CNTFR: variants seen among roughly 807,000 people sequenced by gnomAD.
CNTFR encodes the protein ciliary neurotrophic factor receptor subunit alpha.
A neutral mutation model predicts 40.4 loss-of-function variants in CNTFR; 12 were observed. The ratio of observed to expected loss-of-function variants is 0.30; its 90% CI spans 0.19 to 0.48. CNTFR has a LOEUF of 0.48. Ranked by LOEUF, CNTFR falls within the 20% of genes least tolerant of loss-of-function variation. The pLI, the probability that CNTFR is intolerant of heterozygous loss-of-function variation, is 0.99. For missense variants in CNTFR, 414 were observed against 506.8 expected, an observed-to-expected ratio of 0.82 and a Z score of 1.76; for synonymous variants, 202 against 209.6, an observed-to-expected ratio of 0.96 and a Z score of 0.31.
intron 1 of CNTFR, chr9:34,582,715 A>G (rs1587175500): frequency 6.6e-6 from 1 of 152,430 alleles, no homozygotes; most frequent in Middle Eastern, 3.4e-3. Flanking sequence ...AGCCACACCA[A>G]GACAGGCTCA....
intron 3 of CNTFR, among the ~76,000 whole-genome samples, 191 bp downstream of exon 3, chr9:34,568,706 A>T (rs775957014): frequency 3.9e-5 from 6 of 152,106 alleles, no homozygotes; most frequent in Non-Finnish European, 7.4e-5. Context: ...CACCGTCAGC[A>T]TTCGACCACC....
chr9:34,566,504 G>T (rs560424840), intron 3 of CNTFR, among the ~76,000 whole-genome samples: 1 of 152,196 alleles, frequency 6.6e-6, no homozygotes, highest in East Asian at 1.9e-4. Context: ...TCCGGCCACT[G>T]AGCGCCCCCA....
At chr9:34,575,735 C>T (rs916325462) in intron 2 of CNTFR, among the ~76,000 whole-genome samples, 1 of 126,684 alleles carries the variant, frequency 7.9e-6, no homozygotes, top group African/African-American at 3.0e-5. Flanking sequence ...GCATGTGATG[C>T]ATCGGCTTAT....
intron 7 of CNTFR, among the ~76,000 whole-genome samples, chr9:34,555,131 A>G (rs1469044538): frequency 1.3e-5 from 2 of 152,220 alleles, no homozygotes; most frequent in Non-Finnish European, 2.9e-5. Context: ...TGCTGCCTGT[A>G]GCTCGTTAGC....
upstream of CNTFR, chr9:34,589,787 C>A: frequency 6.7e-6 from 1 of 150,068 alleles, no homozygotes; most frequent in South Asian, 1.8e-4. This position sits in a 1 kb window ranked among gnomAD's most constrained non-coding sequence, Gnocchi z 4.4. Context: ...CGCGCGCTCC[C>A]TCCCTCCTTC....
chr9:34,568,863 G>T (rs982886702), intron 3 of CNTFR, 34 bp downstream of exon 3: 2 of 1,542,802 alleles, frequency 1.3e-6, no homozygotes, highest in African/African-American at 1.4e-5. Flanking sequence ...AGCTCTGAGA[G>T]GGGGGTCAGC....
In CNTFR at chr9:34,564,772, G is replaced by A; in HGVS notation, c.146C>T (p.Ala49Val). ...CCACGTCACCGCAGCATCCCAGTTTGCTGTCCCACATGGCAGTGTCACGTC... is the reference window on the plus strand; with the variant it reads ...CCACGTCACCGCAGCATCCCAGTTTACTGTCCCACATGGCAGTGTCACGTC... ...GSDVTLPCGT[A>V]NWDAAVTWRV... Residue 49 changes from alanine (A) to valine (V), a missense_variant, in exon 4 of 10, where the codon GCA becomes GTA. By Grantham distance (64) the Ala-to-Val change is moderately conservative. This residue lies in a region of CNTFR where 250 missense variants were observed against 269.5 expected (regional missense o/e 0.93). Transcript: ENST00000378980. The A allele has an allele frequency of 6.2e-7, 1 of 1,614,078 alleles. No homozygotes were observed. The highest frequency in any genetic ancestry group is 8.5e-7 in the Non-Finnish European group (1 of 1,180,026).
chr9:34,564,736 C>T lies in CNTFR; in HGVS notation c.182G>A (p.Gly61Glu). 5 of 1,614,096 alleles carry T rather than the reference C, an allele frequency of 3.1e-6. No homozygotes were observed. The highest frequency in any genetic ancestry group is 3.4e-6 in the Non-Finnish European group (4 of 1,180,016). The change falls in exon 4 of 10, where the codon GGG becomes GAG. Residue 61 changes from glycine (G) to glutamate (E), a missense_variant. Gly to Glu is a moderately conservative substitution (Grantham distance 98, BLOSUM62 -2). Transcript: ENST00000378980. ...GAGCAGGTCAGGGGCCAGGTCTGTC[C>T]CATTTACCCGCCACGTCACCGCAGC... ...WDAAVTWRVN[G>E]TDLAPDLLNG...
intron 7 of CNTFR, among the ~76,000 whole-genome samples, chr9:34,556,000 ATT>A (rs1240372904): frequency 7.6e-6 from 1 of 132,184 alleles, no homozygotes; most frequent in African/African-American, 2.9e-5. Flanking sequence ...CCCTCCCTGC[ATT>A]TCTCTCCACG....
chr9:34,575,399 A>G (rs1345661466), intron 2 of CNTFR, among the ~76,000 whole-genome samples: 2 of 152,140 alleles, frequency 1.3e-5, no homozygotes, highest in Non-Finnish European at 2.9e-5. Context: ...GGATGGGCAG[A>G]GCAATAGGGT....
chr9:34,567,363 C>T (rs1227563324), intron 3 of CNTFR, among the ~76,000 whole-genome samples: 1 of 152,142 alleles, frequency 6.6e-6, no homozygotes, highest in Non-Finnish European at 1.5e-5. Flanking sequence ...GACCACATGT[C>T]AGAAACAGTC....
chr9:34,552,130 T>C lies in CNTFR; in HGVS notation c.1118+31A>G, dbSNP rs1200831674. 4 of 1,593,600 alleles carry C rather than the reference T, an allele frequency of 2.5e-6. No homozygotes were observed. In the Admixed American group the frequency reaches 5.3e-5, roughly 21 times the overall value. ...GGCTGGAGTGGGGGTTCCCTCAGGC[T>C]CCCTCTGCCACCCAGCCTCACTCAA... On this transcript the variant is annotated intron_variant, in intron 9 of 9. Transcript: ENST00000378980. The surrounding 1 kb of genome is among the most constrained non-coding windows in gnomAD (Gnocchi z 5.1).
At chr9:34,568,791 A>G in intron 3 of CNTFR, 106 bp downstream of exon 3, 1 of 997,598 alleles carries the variant, frequency 1.0e-6, no homozygotes. Flanking sequence ...ATGTGTGACA[A>G]TGCCAGTGTG....
At chr9:34,583,864 A>G (rs1430702518) in intron 1 of CNTFR, among the ~76,000 whole-genome samples, 2 of 152,176 alleles carry the variant, frequency 1.3e-5, no homozygotes, top group African/African-American at 4.8e-5. Flanking sequence ...GGGTCAGCTC[A>G]TGGGCCGAGG....
chr9:34,566,510 C>T (rs1826301114), intron 3 of CNTFR, among the ~76,000 whole-genome samples: 2 of 152,258 alleles, frequency 1.3e-5, no homozygotes, highest in Non-Finnish European at 2.9e-5. Flanking sequence ...CACTGAGCGC[C>T]CCCAACAGTC....
At position 34,588,572 on chromosome 9, in the gene CNTFR, C is replaced by G. The variant is rs372787462; in HGVS notation, c.-112+983G>C. On this transcript the variant is annotated intron_variant, in intron 1 of 9. Coordinates refer to ENST00000378980, the MANE Select transcript of CNTFR (RefSeq NM_147164.3). ...GCAGACACACACCCAATGTTGCAGA[C>G]AAGCTGCCAGGCACACAGACACACA... is the stretch of plus-strand genomic sequence containing the variant. 1.1e-4 allele frequency among the ~76,000 whole-genome samples: 16 copies of G among 152,316 alleles called. No individual in the cohort carries two copies. The East Asian group carries it at 2.7e-3, about 26-fold the overall frequency.
At chr9:34,580,524 C>T (rs1003984637) in intron 2 of CNTFR, among the ~76,000 whole-genome samples, 1 of 152,214 alleles carries the variant, frequency 6.6e-6, no homozygotes, top group Non-Finnish European at 1.5e-5. Flanking sequence ...ATGAAAAGCC[C>T]GGCCGGCCTT....
In CNTFR at chr9:34,552,859, A is replaced by G. The variant is rs780085660; in HGVS notation, c.769-5T>C. ...TGTGCCGTCGGACAGCTCCACCTGC[A>G]GCCAGACCATGGGGTGGGGGTAAGG... On this transcript the variant is annotated splice_polypyrimidine_tract_variant and splice_region_variant and intron_variant, in intron 7 of 9. Transcript: ENST00000378980. This position sits in a 1 kb window ranked among gnomAD's most constrained non-coding sequence, Gnocchi z 5.1. 2 of 1,609,396 alleles carry G rather than the reference A, an allele frequency of 1.2e-6. No homozygotes were observed. Among genetic ancestry groups the G allele is most frequent in the Non-Finnish European group, 8.5e-7 (1 of 1,179,592 alleles).
intron 4 of CNTFR, among the ~76,000 whole-genome samples, chr9:34,558,644 A>G (rs73645426): frequency 0.12 from 18,111 of 152,146 alleles, 1,314 homozygotes; most frequent in Middle Eastern, 0.18. Flanking sequence ...CTGCATGTCT[A>G]TGTATGATTG....
Sources: allele counts gnomAD v4.1 joint callset (sites outside exome capture counted in the v4.1 genomes callset), GRCh38; gene constraint gnomAD v4.1.1; regional missense constraint gnomAD v4.1.1; non-coding constraint Gnocchi (gnomAD v3.1); transcripts MANE v1.5; gene names NCBI Gene and HGNC (gene_info 2026-07-23, HGNC 2026-07-21).